Variants in KIRREL1 observed in about 807,000 individuals in gnomAD.
KIRREL1 encodes the protein kirre like nephrin family adhesion molecule 1, also known as kin of IRRE-like protein 1.
In KIRREL1, 25 loss-of-function variants were observed where a neutral mutation model predicts 83.3. The observed-to-expected ratio is 0.30, with a 90% confidence interval of 0.22 to 0.42. The LOEUF (loss-of-function observed/expected upper bound fraction) is 0.42. Ranked by LOEUF, KIRREL1 falls within the 10% of genes least tolerant of loss-of-function variation. The probability of loss-of-function intolerance (pLI) is 1.00; values close to 1 mark genes in which losing one functional copy is unlikely to be tolerated. For missense variants in KIRREL1, 812 were observed against 1,032.3 expected, an observed-to-expected ratio of 0.79 and a Z score of 2.92; for synonymous variants, 388 against 410.4, an observed-to-expected ratio of 0.95 and a Z score of 0.66.
intron 13 of KIRREL1, 94 bp downstream of exon 13, chr1:158,093,856 T>C (rs1255547121): frequency 1.5e-6 from 2 of 1,355,056 alleles, no homozygotes; most frequent in Non-Finnish European, 2.1e-6. Context: ...CATTCTCTCC[T>C]TCCTCAGTCG....
At chr1:158,088,194 G>A (rs1017222993) in intron 7 of KIRREL1, 40 bp downstream of exon 7, 1 of 1,613,924 alleles carries the variant, frequency 6.2e-7, no homozygotes, top group Non-Finnish European at 8.5e-7. Context: ...CAGAGAGCAG[G>A]GGCCCCCAAA....
intron 3 of KIRREL1, among the ~76,000 whole-genome samples, chr1:158,081,415 T>C (rs553301971): frequency 2.0e-5 from 3 of 152,298 alleles, no homozygotes; most frequent in East Asian, 3.9e-4. Context: ...GTGGCAGAAG[T>C]TATTGTCGAT....
rs1230250599 is a variant in KIRREL1, at chr1:158,089,601, G to C, written c.1144G>C (p.Glu382Gln). 1 of 1,613,908 alleles carries C rather than the reference G, an allele frequency of 6.2e-7. No homozygotes were observed. The highest frequency in any genetic ancestry group is 1.7e-5 in the Admixed American group (1 of 59,996). ...RAIVPRIGVAEREVPLYVNGP... is the reference protein window; with the variant it reads ...RAIVPRIGVAQREVPLYVNGP... ...CATCGTGCCTCGAATCGGAGTGGCT[G>C]AGCGGGAGGTGCCGCTCTATGTGAA... Residue 382 changes from glutamate to glutamine, a missense_variant, in exon 9 of 15, where the codon GAG becomes CAG. Physicochemically the swap from Glu to Gln is conservative, Grantham distance 29. This residue lies in a region of KIRREL1 where 472 missense variants were observed against 626.8 expected (regional missense o/e 0.75). Transcript: ENST00000359209.
At chr1:158,088,633 C>G (rs376055018) in intron 8 of KIRREL1, among the ~76,000 whole-genome samples, 179 bp downstream of exon 8, 1 of 151,354 alleles carries the variant, frequency 6.6e-6, no homozygotes, top group South Asian at 2.1e-4. Flanking sequence ...TACAGGCGCC[C>G]GCTACCACGC....
At chr1:158,040,745 G>C (rs1363078503) in intron 1 of KIRREL1, among the ~76,000 whole-genome samples, 1 of 152,164 alleles carries the variant, frequency 6.6e-6, no homozygotes, top group Admixed American at 6.5e-5. Context: ...TGAAAAGGCT[G>C]GTCTATTCAG....
At chr1:158,053,844 G>A (rs1304978777) in intron 1 of KIRREL1, among the ~76,000 whole-genome samples, 1 of 152,164 alleles carries the variant, frequency 6.6e-6, no homozygotes, top group African/African-American at 2.4e-5. Flanking sequence ...GAATGGAATT[G>A]AGCTGAATTG....
At chr1:157,998,687 G>C (rs1228177884) in intron 1 of KIRREL1, among the ~76,000 whole-genome samples, 1 of 152,176 alleles carries the variant, frequency 6.6e-6, no homozygotes, top group African/African-American at 2.4e-5. Context: ...TTCCAAATTT[G>C]TCTGGTCCCT....
chr1:158,068,479 C>T (rs1380076982), intron 1 of KIRREL1, among the ~76,000 whole-genome samples: 2 of 152,182 alleles, frequency 1.3e-5, no homozygotes, highest in Admixed American at 1.3e-4. Flanking sequence ...TCAACAGACC[C>T]AGACCCCTCA....
intron 1 of KIRREL1, among the ~76,000 whole-genome samples, chr1:158,022,741 C>T (rs1013820970): frequency 1.3e-5 from 2 of 152,120 alleles, no homozygotes; most frequent in African/African-American, 2.4e-5. Flanking sequence ...ATCGGAAGGG[C>T]GGGAGAGAGG....
intron 1 of KIRREL1, among the ~76,000 whole-genome samples, chr1:158,004,802 G>C (rs924205972): frequency 6.6e-6 from 1 of 152,086 alleles, no homozygotes; most frequent in Non-Finnish European, 1.5e-5. Context: ...AAATTAGCCA[G>C]GCTTGGTGAT....
intron 1 of KIRREL1, among the ~76,000 whole-genome samples, chr1:158,037,458 A>C (rs1660507940): frequency 7.1e-6 from 1 of 140,190 alleles, no homozygotes; most frequent in African/African-American, 2.8e-5. Context: ...GCGCCACTGC[A>C]CTCCAGCCTG....
At chr1:158,032,681 C>T (rs560790128) in intron 1 of KIRREL1, among the ~76,000 whole-genome samples, 5 of 152,114 alleles carry the variant, frequency 3.3e-5, no homozygotes, top group East Asian at 1.9e-4. Flanking sequence ...GCGTAAGAAC[C>T]GCCCCCCACC....
intron 1 of KIRREL1, among the ~76,000 whole-genome samples, chr1:158,000,073 G>GC (rs1016325019): frequency 6.6e-6 from 1 of 150,406 alleles, no homozygotes; most frequent in African/African-American, 2.4e-5. Flanking sequence ...TGGGGTGGGG[G>GC]CTGAGGATAA....
chr1:157,998,106 C>A (rs1019928367), intron 1 of KIRREL1, among the ~76,000 whole-genome samples: 1 of 152,176 alleles, frequency 6.6e-6, no homozygotes, highest in African/African-American at 2.4e-5. Flanking sequence ...CAAGGCTCAA[C>A]CGCTTCTTAC....
chr1:158,044,372 C>T (rs937545210), intron 1 of KIRREL1, among the ~76,000 whole-genome samples: 3 of 152,192 alleles, frequency 2.0e-5, no homozygotes, highest in Non-Finnish European at 4.4e-5. Flanking sequence ...TCTGGACACT[C>T]ACTTTAATGA....
At position 158,095,294 on chromosome 1, in the gene KIRREL1, C is replaced by G. The variant is rs1662328294; in HGVS notation, c.*174C>G. 3 of 589,060 alleles carry G rather than the reference C, an allele frequency of 5.1e-6. No homozygotes were observed. The highest frequency in any genetic ancestry group is 6.2e-5 in the Admixed American group (2 of 32,038). 36.5% of individuals were successfully genotyped at this position (589,060 alleles called of 1,614,324 possible). A position where few individuals can be genotyped will look rare whatever the true frequency, so the allele number is the denominator to read the frequency against. Reference sequence around the variant, plus strand: ...AACACCCCGTCCCGAGGATGGTGCTCTGTGCATGCCCCAGCCTCCTGGGCC... The same window carrying G: ...AACACCCCGTCCCGAGGATGGTGCTGTGTGCATGCCCCAGCCTCCTGGGCC... On this transcript the variant is annotated 3_prime_UTR_variant, in exon 15 of 15. Coordinates refer to ENST00000359209, the MANE Select transcript of KIRREL1 (RefSeq NM_018240.7).
At position 158,084,472 on chromosome 1, in the gene KIRREL1, G is replaced by A. The variant is rs1340104626; in HGVS notation, c.403G>A (p.Ala135Thr). The change falls in exon 4 of 15, where the codon GCA (alanine) becomes ACA (threonine). Residue 135 changes from alanine (A) to threonine (T), a missense_variant. Ala to Thr is a moderately conservative substitution (Grantham distance 58). This residue lies in a region of KIRREL1 where 472 missense variants were observed against 626.8 expected (regional missense o/e 0.75). Coordinates refer to ENST00000359209, the MANE Select transcript of KIRREL1 (RefSeq NM_018240.7). ...CGGAGGCCCTGTGATTCTACTGCAG[G>A]CAGGCACCCCCCACAACCTCACATG... ...IDGGPVILLQ[A>T]GTPHNLTCRA... 1 of 1,551,786 alleles carries A rather than the reference G, an allele frequency of 6.4e-7. No individual in the cohort carries two copies. The highest frequency in any genetic ancestry group is 8.7e-7 in the Non-Finnish European group (1 of 1,147,024).
chr1:158,072,586 G>T (rs1370994308), intron 1 of KIRREL1, among the ~76,000 whole-genome samples: 1 of 152,084 alleles, frequency 6.6e-6, no homozygotes, highest in African/African-American at 2.4e-5. Context: ...GAATCCCGAG[G>T]GAGCAGGGGG....
At chr1:157,996,666 G>C (rs1185629571) in intron 1 of KIRREL1, among the ~76,000 whole-genome samples, 1 of 152,194 alleles carries the variant, frequency 6.6e-6, no homozygotes. Flanking sequence ...TCCCCTTTCG[G>C]TGCTACACAT....
Sources: gnomAD v4.1 joint callset for allele counts (sites outside exome capture counted in the v4.1 genomes callset) on GRCh38, gnomAD v4.1.1 for gene constraint, gnomAD v4.1.1 regional missense constraint, MANE v1.5 for transcripts, NCBI Gene and HGNC (gene_info 2026-07-23, HGNC 2026-07-21) for gene names.